The following HSD17B3 variants were observed in gnomAD, a reference collection of about 807,000 sequenced individuals.
HSD17B3 encodes hydroxysteroid 17-beta dehydrogenase 3.
HSD17B3 carries 29 observed loss-of-function variants against 41.1 expected under a neutral mutation model. The observed-to-expected ratio is 0.71, with a 90% CI of 0.53 to 0.96. The LOEUF is 0.96. HSD17B3 is among the 40% of genes least tolerant of loss of function. The probability of loss-of-function intolerance (pLI) is 0.00; values close to 1 mark genes in which losing one functional copy is unlikely to be tolerated. For synonymous variants in HSD17B3, 126 were observed against 145.6 expected, an observed-to-expected ratio of 0.87 and a Z score of 0.97; for missense variants, 323 against 374.6, an observed-to-expected ratio of 0.86 and a Z score of 1.14.
chr9:96,250,879 C>T (rs1422309908), intron 5 of HSD17B3, among the ~76,000 whole-genome samples: 1 of 142,284 alleles, frequency 7.0e-6, no homozygotes, highest in African/African-American at 2.7e-5. Context: ...CAGAGGGAGA[C>T]TCCATCTCAA....
At chr9:96,272,373 A>ATCTCTCTCTCTCTCTCTCTCTC (rs373017603) in intron 2 of HSD17B3, among the ~76,000 whole-genome samples, 58 of 4,410 alleles carry the variant, frequency 0.013, 22 homozygotes, top group Non-Finnish European at 0.021. Context: ...GTAAGACTGC[A>ATCTCTCTCTCTCTCTCTCTCTC]TCTCTCTCTC....
intron 4 of HSD17B3, among the ~76,000 whole-genome samples, chr9:96,251,963 C>T (rs914933056): frequency 1.3e-5 from 2 of 152,138 alleles, no homozygotes; most frequent in Non-Finnish European, 2.9e-5. Flanking sequence ...TTTTAAAATT[C>T]AGCAGAAGGT....
chr9:96,265,979 T>TG (rs1186184126), intron 2 of HSD17B3, among the ~76,000 whole-genome samples: 1 of 152,192 alleles, frequency 6.6e-6, no homozygotes, highest in Non-Finnish European at 1.5e-5. Context: ...CTTTGAAAGT[T>TG]GGCTCTTTGA....
intron 9 of HSD17B3, among the ~76,000 whole-genome samples, chr9:96,242,597 C>T (rs1030402636): frequency 3.9e-5 from 6 of 152,114 alleles, no homozygotes; most frequent in South Asian, 2.1e-4. Context: ...AGTGTGTGTT[C>T]GGAGAGGCCA....
intron 2 of HSD17B3, among the ~76,000 whole-genome samples, chr9:96,266,865 G>C (rs368688698): frequency 1.7e-4 from 26 of 152,140 alleles, no homozygotes; most frequent in South Asian, 1.2e-3. Flanking sequence ...CAGAACAGCA[G>C]GTGGCCTTCA....
chr9:96,282,538 A>C (rs750669730), intron 2 of HSD17B3, among the ~76,000 whole-genome samples: 2 of 152,188 alleles, frequency 1.3e-5, no homozygotes, highest in African/African-American at 2.4e-5. Context: ...TTAGTTCTAG[A>C]TAAGGCCAGG....
At chr9:96,273,439 C>A (rs1319731601) in intron 2 of HSD17B3, among the ~76,000 whole-genome samples, 1 of 152,210 alleles carries the variant, frequency 6.6e-6, no homozygotes, top group African/African-American at 2.4e-5. Context: ...CCAAAAGGAT[C>A]CCCTTGGCTG....
intron 2 of HSD17B3, among the ~76,000 whole-genome samples, chr9:96,279,277 G>A (rs1023411053): frequency 1.3e-5 from 2 of 152,302 alleles, no homozygotes. Flanking sequence ...ATGTTTTAGA[G>A]AGACATAAGA....
chr9:96,237,257 C>A (rs527609069), intron 10 of HSD17B3, among the ~76,000 whole-genome samples: 1 of 152,330 alleles, frequency 6.6e-6, no homozygotes, highest in Admixed American at 6.5e-5. Flanking sequence ...AAGAGTCCCT[C>A]TTCCATCTCC....
intron 10 of HSD17B3, among the ~76,000 whole-genome samples, chr9:96,237,063 C>T (rs995927030): frequency 2.0e-5 from 3 of 152,180 alleles, no homozygotes; most frequent in African/African-American, 4.8e-5. Context: ...CTAGCCACGT[C>T]GCTGAATCAA....
At chr9:96,250,421 C>G in intron 5 of HSD17B3, 5 of 1,067,534 alleles carry the variant, frequency 4.7e-6, no homozygotes, top group Non-Finnish European at 5.7e-6. Flanking sequence ...TGCAGCAGCG[C>G]CCAAGCAGTC....
At chr9:96,264,520 G>GGGTT (rs1259313434) in intron 2 of HSD17B3, among the ~76,000 whole-genome samples, 6 of 152,088 alleles carry the variant, frequency 3.9e-5, no homozygotes, top group African/African-American at 7.2e-5. Flanking sequence ...TATTGTTGCT[G>GGGTT]GGTTGGTTGG....
intron 2 of HSD17B3, among the ~76,000 whole-genome samples, chr9:96,295,002 C>CTTTT (rs10541572): frequency 1.5e-5 from 1 of 66,170 alleles, no homozygotes. Flanking sequence ...ACACGAGGAG[C>CTTTT]TTTTTTTTTT....
At chr9:96,245,989 G>A (rs1009552644) in intron 7 of HSD17B3, among the ~76,000 whole-genome samples, 1 of 152,146 alleles carries the variant, frequency 6.6e-6, no homozygotes, top group Non-Finnish European at 1.5e-5. Flanking sequence ...TACAATGGAG[G>A]GGCAGGGGAC....
intron 2 of HSD17B3, among the ~76,000 whole-genome samples, chr9:96,291,033 C>T (rs929389851): frequency 2.0e-5 from 3 of 152,168 alleles, no homozygotes; most frequent in Non-Finnish European, 2.9e-5. Context: ...GGGTCTTCCA[C>T]GCTGGTGAGG....
intron 2 of HSD17B3, among the ~76,000 whole-genome samples, chr9:96,258,000 G>A (rs1825732409): frequency 6.6e-6 from 1 of 152,138 alleles, no homozygotes; most frequent in African/African-American, 2.4e-5. Flanking sequence ...TATCAGTGGG[G>A]CTGAGCATCA....
intron 2 of HSD17B3, among the ~76,000 whole-genome samples, chr9:96,258,530 C>T (rs1825747222): frequency 6.6e-6 from 1 of 152,168 alleles, no homozygotes; most frequent in Admixed American, 6.6e-5. Flanking sequence ...CCTTTGATAA[C>T]TTTCCAATAT....
intron 2 of HSD17B3, among the ~76,000 whole-genome samples, chr9:96,269,513 T>C (rs1317055786): frequency 1.3e-5 from 2 of 152,196 alleles, no homozygotes; most frequent in Admixed American, 1.3e-4. Flanking sequence ...TAGAATACTA[T>C]ATGTACTGAA....
intron 2 of HSD17B3, among the ~76,000 whole-genome samples, chr9:96,287,133 A>G (rs1442204935): frequency 2.6e-5 from 4 of 152,178 alleles, no homozygotes; most frequent in African/African-American, 9.7e-5. Flanking sequence ...GACCTTCAGC[A>G]GAAGACACAA....
Sources: gnomAD v4.1 joint callset for allele counts (sites outside exome capture counted in the v4.1 genomes callset) on GRCh38, gnomAD v4.1.1 for gene constraint, MANE v1.5 for transcripts, NCBI Gene and HGNC (gene_info 2026-07-23, HGNC 2026-07-21) for gene names.